CLSTN2: variants seen among roughly 807,000 people sequenced by gnomAD.
CLSTN2 encodes calsyntenin-2.
In CLSTN2, 48 loss-of-function variants were observed where a neutral mutation model predicts 101.2. The ratio of observed to expected loss-of-function variants is 0.47; its 90% CI spans 0.38 to 0.60. The LOEUF is 0.60. CLSTN2 is among the 20% of genes least tolerant of loss of function. The pLI is 0.00. For missense variants in CLSTN2, 1,160 were observed against 1,238.2 expected, an observed-to-expected ratio of 0.94 and a Z score of 0.95; for synonymous variants, 481 against 463.6, an observed-to-expected ratio of 1.04 and a Z score of -0.48.
At chr3:140,275,686 C>T (rs79985036) in intron 2 of CLSTN2, among the ~76,000 whole-genome samples, 4,240 of 152,230 alleles carry the variant, frequency 0.028, 116 homozygotes, top group Non-Finnish European at 0.034. Flanking sequence ...ACTGCAAAAG[C>T]GGGTTCTGAG....
intron 1 of CLSTN2, among the ~76,000 whole-genome samples, chr3:140,037,158 T>A (rs992913774): frequency 3.9e-5 from 6 of 152,126 alleles, no homozygotes; most frequent in Non-Finnish European, 8.8e-5. Flanking sequence ...TTCAAACTTG[T>A]AAAAAAACTT....
At chr3:139,985,524 ACT>A (rs1197471450) in intron 1 of CLSTN2, among the ~76,000 whole-genome samples, 1 of 151,742 alleles carries the variant, frequency 6.6e-6, no homozygotes, top group Non-Finnish European at 1.5e-5. Context: ...ATGTCCTGAA[ACT>A]CTGACATTGT....
chr3:140,464,569 TAGA>T, intron 7 of CLSTN2, among the ~76,000 whole-genome samples: 1 of 152,082 alleles, frequency 6.6e-6, no homozygotes, highest in East Asian at 1.9e-4. Flanking sequence ...AGAAAGGGAG[TAGA>T]AGGAGGAAGA....
chr3:140,145,891 A>G (rs1028749991), intron 1 of CLSTN2, among the ~76,000 whole-genome samples: 11 of 152,242 alleles, frequency 7.2e-5, no homozygotes, highest in African/African-American at 2.7e-4. Context: ...GTGTCTGATG[A>G]AAATCATTGT....
chr3:140,173,475 TG>T (rs1178286149), intron 1 of CLSTN2, among the ~76,000 whole-genome samples: 1 of 152,212 alleles, frequency 6.6e-6, no homozygotes, highest in African/African-American at 2.4e-5. Flanking sequence ...TCTAGCATTC[TG>T]GGGTCTGGAA....
At chr3:140,158,049 A>T (rs1380543979) in intron 1 of CLSTN2, among the ~76,000 whole-genome samples, 1 of 152,108 alleles carries the variant, frequency 6.6e-6, no homozygotes, top group East Asian at 1.9e-4. Flanking sequence ...GAATCAAAGG[A>T]ACACCTCAAA....
chr3:140,240,207 CACACACACACACACATAT>C (rs1386754833), intron 2 of CLSTN2, among the ~76,000 whole-genome samples: 194 of 15,558 alleles, frequency 0.012, 16 homozygotes, highest in African/African-American at 0.02. Context: ...TATACACACA[CACACACACACACACATAT>C]ATATATATGC....
intron 2 of CLSTN2, among the ~76,000 whole-genome samples, chr3:140,336,226 T>C (rs2087438455): frequency 6.6e-6 from 1 of 152,184 alleles, no homozygotes; most frequent in South Asian, 2.1e-4. Flanking sequence ...GTGAAGGCAT[T>C]TTAAACATTT....
At chr3:140,436,404 C>A (rs560909176) in intron 5 of CLSTN2, among the ~76,000 whole-genome samples, 4 of 152,328 alleles carry the variant, frequency 2.6e-5, no homozygotes, top group African/African-American at 9.6e-5. Context: ...AAGTGTGTTA[C>A]TGTTGGTTTT....
intron 2 of CLSTN2, among the ~76,000 whole-genome samples, chr3:140,346,879 A>G (rs1001677951): frequency 6.6e-6 from 1 of 152,182 alleles, no homozygotes; most frequent in South Asian, 2.1e-4. Context: ...GGGAACTTGC[A>G]TCTCCCAATC....
chr3:140,405,233 A>AT (rs72398449), intron 4 of CLSTN2, among the ~76,000 whole-genome samples: 12,261 of 149,154 alleles, frequency 0.082, 857 homozygotes, highest in African/African-American at 0.19. Context: ...TTCATTCAGG[A>AT]TTTTTTTTTT....
At chr3:140,111,467 C>T (rs974714314) in intron 1 of CLSTN2, among the ~76,000 whole-genome samples, 2 of 152,130 alleles carry the variant, frequency 1.3e-5, no homozygotes, top group African/African-American at 2.4e-5. Flanking sequence ...CTTGAGACAA[C>T]CCCTGAAGCC....
intron 1 of CLSTN2, among the ~76,000 whole-genome samples, chr3:140,082,834 A>C (rs2008621346): frequency 6.6e-6 from 1 of 151,978 alleles, no homozygotes; most frequent in African/African-American, 2.4e-5. Context: ...GCTTCAGTGA[A>C]CTCACACCTC....
At chr3:140,190,422 A>C (rs1464917644) in intron 2 of CLSTN2, among the ~76,000 whole-genome samples, 2 of 138,434 alleles carry the variant, frequency 1.4e-5, no homozygotes, top group Non-Finnish European at 3.0e-5. Flanking sequence ...TTTTAGGATA[A>C]CCTCATCTAT....
chr3:140,187,797 T>C (rs1357598827), intron 2 of CLSTN2, among the ~76,000 whole-genome samples: 2 of 152,172 alleles, frequency 1.3e-5, no homozygotes, highest in Non-Finnish European at 2.9e-5. Context: ...TCATTATAAA[T>C]GTATCAACTT....
At chr3:140,499,046 AC>A (rs1387356705) in intron 8 of CLSTN2, among the ~76,000 whole-genome samples, 2 of 152,112 alleles carry the variant, frequency 1.3e-5, no homozygotes, top group African/African-American at 4.8e-5. Context: ...TATATGCCCA[AC>A]AGTGCACTGG....
chr3:140,316,089 AT>A (rs1397430658), intron 2 of CLSTN2, among the ~76,000 whole-genome samples: 3 of 152,202 alleles, frequency 2.0e-5, no homozygotes, highest in African/African-American at 7.2e-5. Context: ...CTGGCTGTGC[AT>A]TGGGCTCTGT....
At chr3:140,511,171 C>T (rs1934805784) in intron 8 of CLSTN2, among the ~76,000 whole-genome samples, 1 of 152,182 alleles carries the variant, frequency 6.6e-6, no homozygotes, top group South Asian at 2.1e-4. Flanking sequence ...CTTCCAACTC[C>T]ATCCATGTCG....
At chr3:140,268,486 C>A (rs1306378225) in intron 2 of CLSTN2, among the ~76,000 whole-genome samples, 1 of 152,162 alleles carries the variant, frequency 6.6e-6, no homozygotes, top group Non-Finnish European at 1.5e-5. Flanking sequence ...ATCTGATGTG[C>A]AAGGACACAG....
Sources: allele counts gnomAD v4.1 joint callset (sites outside exome capture counted in the v4.1 genomes callset), GRCh38; gene constraint gnomAD v4.1.1; transcripts MANE v1.5; gene names NCBI Gene and HGNC (gene_info 2026-07-23, HGNC 2026-07-21).